Variants in PHF24 observed in about 807,000 individuals in gnomAD.
The protein encoded by PHF24 is Galpha inhibitory interacting protein.
PHF24 carries 25 observed loss-of-function variants against 42.6 expected under a neutral mutation model. The ratio of observed to expected loss-of-function variants is 0.59; its 90% CI spans 0.43 to 0.82. The LOEUF (loss-of-function observed/expected upper bound fraction) is 0.82. Ranked by LOEUF, PHF24 falls within the 40% of genes least tolerant of loss-of-function variation. The pLI is 0.00. For synonymous variants in PHF24, 185 were observed against 204.8 expected (o/e 0.90, Z 0.83); for missense variants, 470 against 538.1 (o/e 0.87, Z 1.25).
intron 1 of PHF24, among the ~76,000 whole-genome samples, chr9:34,961,895 C>G (rs1826600300): frequency 1.3e-5 from 2 of 152,378 alleles, no homozygotes; most frequent in East Asian, 3.9e-4. Context: ...CTGGGGTCCT[C>G]TCACTGAAGC....
the PHF24 span, among the ~76,000 whole-genome samples, chr9:34,802,435 A>G: frequency 5.9e-5 from 9 of 152,146 alleles, no homozygotes; most frequent in South Asian, 1.9e-3. Flanking sequence ...TATTGTACAC[A>G]TTTGCATCAT....
At chr9:34,936,350 C>G in the PHF24 span, among the ~76,000 whole-genome samples, 3 of 152,234 alleles carry the variant, frequency 2.0e-5, no homozygotes, top group African/African-American at 7.2e-5. Context: ...GGATTGCAGA[C>G]GGAGTCTCGT....
the PHF24 span, among the ~76,000 whole-genome samples, chr9:34,779,624 T>G: frequency 6.6e-6 from 1 of 152,216 alleles, no homozygotes; most frequent in African/African-American, 2.4e-5. Context: ...ACTACAATTC[T>G]ACAGAAATCA....
the PHF24 span, among the ~76,000 whole-genome samples, chr9:34,866,858 A>G: frequency 2.6e-5 from 4 of 152,106 alleles, no homozygotes; most frequent in Non-Finnish European, 5.9e-5. Flanking sequence ...CTGTCCCTCC[A>G]TTCACCATGT....
the PHF24 span, among the ~76,000 whole-genome samples, chr9:34,705,622 T>G: frequency 1.8e-4 from 27 of 152,260 alleles, no homozygotes; most frequent in African/African-American, 6.3e-4. Context: ...CAAAAAAATT[T>G]ACTGTAGTTT....
the PHF24 span, among the ~76,000 whole-genome samples, chr9:34,782,585 G>T: frequency 6.6e-6 from 1 of 152,190 alleles, no homozygotes; most frequent in Non-Finnish European, 1.5e-5. Flanking sequence ...GCAAGAGCAT[G>T]AAGTGGAAGT....
exon 8 of PHF24, chr9:34,978,979 G>A (rs1827300902): frequency 6.6e-6 from 1 of 152,118 alleles, no homozygotes; most frequent in African/African-American, 2.4e-5. Flanking sequence ...GGCCTGAATG[G>A]AGCAAACACA....
At chr9:34,814,632 G>A in the PHF24 span, among the ~76,000 whole-genome samples, 3 of 152,200 alleles carry the variant, frequency 2.0e-5, no homozygotes, top group Admixed American at 6.6e-5. Flanking sequence ...GCTGTACTGT[G>A]AGTAATAAAG....
At chr9:34,978,382 A>G (rs569626720) in exon 8 of PHF24, 359 of 478,156 alleles carry the variant, frequency 7.5e-4, no homozygotes, top group Middle Eastern at 1.5e-3. Flanking sequence ...CTGCCACCAC[A>G]CTTATATACA....
At chr9:34,892,940 A>C in the PHF24 span, 1 of 687,242 alleles carries the variant, frequency 1.5e-6, no homozygotes, top group East Asian at 2.7e-5. Flanking sequence ...CGGGGAGCCC[A>C]GATCCTGACT....
the PHF24 span, among the ~76,000 whole-genome samples, chr9:34,763,265 T>C: frequency 2.6e-5 from 4 of 152,242 alleles, no homozygotes; most frequent in African/African-American, 9.6e-5. Flanking sequence ...GGGGATGGCA[T>C]TGAATCTATG....
the PHF24 span, among the ~76,000 whole-genome samples, chr9:34,746,327 G>A: frequency 6.6e-6 from 1 of 152,204 alleles, no homozygotes; most frequent in African/African-American, 2.4e-5. Context: ...TACCAGCCAT[G>A]AGATACCAAA....
chr9:34,797,735 T>C, the PHF24 span, among the ~76,000 whole-genome samples: 133,773 of 151,288 alleles, frequency 0.88, 60,596 homozygotes, highest in Non-Finnish European at 0.99. Flanking sequence ...GGGGGTTTTA[T>C]AGGCACAGGA....
intron 3 of PHF24, 85 bp downstream of exon 3, chr9:34,972,616 C>T: frequency 1.5e-6 from 2 of 1,371,158 alleles, no homozygotes; most frequent in Non-Finnish European, 2.0e-6. Flanking sequence ...AGGCAGTGAC[C>T]TAAAGAATTT....
chr9:34,837,165 A>G, the PHF24 span: 1 of 470,318 alleles, frequency 2.1e-6, no homozygotes. Context: ...AGACAGTGGC[A>G]TGGTAGAGTT....
chr9:34,891,035 C>T, the PHF24 span, among the ~76,000 whole-genome samples: 1 of 151,772 alleles, frequency 6.6e-6, no homozygotes, highest in East Asian at 1.9e-4. Context: ...TGGGCCACAG[C>T]CCTGGAAAGA....
chr9:34,802,866 A>G, the PHF24 span, among the ~76,000 whole-genome samples: 20 of 152,080 alleles, frequency 1.3e-4, no homozygotes, highest in Admixed American at 1.3e-4. Flanking sequence ...TTTGACCTTC[A>G]CTGACTTCAT....
chr9:34,917,039 T>G, the PHF24 span: 1 of 586,044 alleles, frequency 1.7e-6, no homozygotes, highest in East Asian at 3.0e-5. Context: ...ACACAAATCA[T>G]GAGGGAGAGT....
At chr9:34,844,832 G>A in the PHF24 span, among the ~76,000 whole-genome samples, 1 of 152,090 alleles carries the variant, frequency 6.6e-6, no homozygotes, top group Non-Finnish European at 1.5e-5. Flanking sequence ...ATGTCTGTTA[G>A]GTCCATTTGG....
Sources: gnomAD v4.1 joint callset for allele counts (sites outside exome capture counted in the v4.1 genomes callset) on GRCh38, gnomAD v4.1.1 for gene constraint, MANE v1.5 for transcripts, NCBI Gene and HGNC (gene_info 2026-07-23, HGNC 2026-07-21) for gene names.